SFT2D1: variants seen among roughly 807,000 people sequenced by gnomAD.
The protein encoded by SFT2D1 is SFT2 domain containing 1.
Under a neutral mutation model 28.1 loss-of-function variants are expected in SFT2D1, and 24 were observed. That is an observed-to-expected ratio of 0.85 (90% CI 0.62 to 1.20). The LOEUF (loss-of-function observed/expected upper bound fraction) is 1.20, where lower values mean the gene tolerates loss of function less well. Among genes scored for constraint, SFT2D1 ranks in the 50% most tolerant of loss-of-function variants. The probability of loss-of-function intolerance (pLI) is 0.00; values close to 1 mark genes in which losing one functional copy is unlikely to be tolerated. For missense variants in SFT2D1, 181 were observed against 190.9 expected, an observed-to-expected ratio of 0.95 and a Z score of 0.31; for synonymous variants, 82 against 73.7, an observed-to-expected ratio of 1.11 and a Z score of -0.58.
At chr6:166,330,304 C>A (rs1307663095) in intron 1 of SFT2D1, 57 bp from the exon 2 acceptor site, 1 of 1,183,888 alleles carries the variant, frequency 8.4e-7, no homozygotes, top group South Asian at 1.4e-5. Flanking sequence ...CAATCTGATT[C>A]TTTATACTAA....
At chr6:166,337,193 C>T (rs1470505634) in intron 1 of SFT2D1, among the ~76,000 whole-genome samples, 1 of 152,198 alleles carries the variant, frequency 6.6e-6, no homozygotes, top group Non-Finnish European at 1.5e-5. Flanking sequence ...CCTTCCTAGC[C>T]CAGTGCCTTA....
chr6:166,336,710 C>T (rs1379438549), intron 1 of SFT2D1, among the ~76,000 whole-genome samples: 1 of 152,196 alleles, frequency 6.6e-6, no homozygotes, highest in African/African-American at 2.4e-5. Context: ...GCTGGGACCA[C>T]AGGCACACAC....
intron 1 of SFT2D1, chr6:166,334,750 G>A: frequency 2.8e-6 from 1 of 362,666 alleles, no homozygotes; most frequent in Non-Finnish European, 5.4e-6. Context: ...CAAGCACTCT[G>A]GGGCTTTGGG....
In SFT2D1 at chr6:166,330,291, T is replaced by C. The variant is rs373817495; in HGVS notation, c.64-44A>G. 1.3e-5 allele frequency: 16 copies of C among 1,275,022 alleles called. No homozygotes were observed. The African/African-American group carries it at 2.1e-4, about 17-fold the overall frequency. The allele number at this position is 1,275,022 out of a possible 1,614,324, so 79.0% of individuals were successfully genotyped here. A position where few individuals can be genotyped will look rare whatever the true frequency, so the allele number is the denominator to read the frequency against. ...AATTTAGAATATAGTCTTAATTCACTACCAATCTGATTCTTTATACTAAAT... is the reference window on the plus strand; with the variant it reads ...AATTTAGAATATAGTCTTAATTCACCACCAATCTGATTCTTTATACTAAAT... On this transcript the variant is annotated intron_variant, in intron 1 of 7. Coordinates refer to ENST00000361731, the MANE Select transcript of SFT2D1 (RefSeq NM_145169.3).
At chr6:166,324,842 G>C (rs951053762) in intron 5 of SFT2D1, among the ~76,000 whole-genome samples, 2 of 152,100 alleles carry the variant, frequency 1.3e-5, no homozygotes, top group African/African-American at 4.8e-5. Context: ...AAACGTTACT[G>C]AAACAATTGT....
Position 166,320,143 on chromosome 6 carries a change from T to A in SFT2D1, c.*74A>T, listed in dbSNP as rs1778322759. The A allele has an allele frequency of 6.2e-6, 9 of 1,453,880 alleles. No individual in the cohort carries two copies. Among genetic ancestry groups the A allele is most frequent in the Non-Finnish European group, 8.6e-6 (9 of 1,041,342 alleles). 90.1% of individuals were successfully genotyped at this position (1,453,880 alleles called of 1,614,324 possible). A position where few individuals can be genotyped will look rare whatever the true frequency, so the allele number is the denominator to read the frequency against. On this transcript the variant is annotated 3_prime_UTR_variant, in exon 8 of 8. Transcript: ENST00000361731. Reference sequence around the variant, plus strand: ...TCACGTCAGTTGTTCCTGGAGTGTTTTATGGGGAAAAGCAAACTTCACCAA... The same window carrying A: ...TCACGTCAGTTGTTCCTGGAGTGTTATATGGGGAAAAGCAAACTTCACCAA...
intron 4 of SFT2D1, among the ~76,000 whole-genome samples, chr6:166,327,535 A>G (rs549941310): frequency 1.6e-4 from 24 of 152,294 alleles, no homozygotes; most frequent in African/African-American, 5.5e-4. Flanking sequence ...AAGTTGGCAC[A>G]CAGAGAAGGG....
In SFT2D1 at chr6:166,320,271, A is replaced by AG; in HGVS notation, c.441-16dup. On this transcript the variant is annotated splice_polypyrimidine_tract_variant and intron_variant, in intron 7 of 7. Transcript: ENST00000361731. The stretch of plus-strand genomic sequence containing the variant: ...TAACTGCATCCCTGGTGGAAAAGAG[A>AG]GGGAAAAAAACAGAATATAATATTC... 1 of 1,607,500 alleles carries AG rather than the reference A, an allele frequency of 6.2e-7. No individual in the cohort carries two copies. The highest frequency in any genetic ancestry group is 8.5e-7 in the Non-Finnish European group (1 of 1,176,970).
chr6:166,330,294 C>T (rs1428323605), intron 1 of SFT2D1, 47 bp from the exon 2 acceptor site: 1 of 1,245,366 alleles, frequency 8.0e-7, no homozygotes, highest in African/African-American at 1.5e-5. Flanking sequence ...AATTCACTAC[C>T]AATCTGATTC....
At chr6:166,335,885 A>G (rs1279966794) in intron 1 of SFT2D1, among the ~76,000 whole-genome samples, 4 of 152,248 alleles carry the variant, frequency 2.6e-5, no homozygotes, top group Non-Finnish European at 4.4e-5. Context: ...TACAAAGAAG[A>G]TATGTTTTAG....
rs775172453 is a variant in SFT2D1, at chr6:166,342,486, C to A, written c.-5G>T. ...GACTCGCCGCAGCTTCTCCATGGCC[C>A]TGTTACAGGGCCGTAGCGGCCGCCA... is the stretch of plus-strand genomic sequence containing the variant. On this transcript the variant is annotated 5_prime_UTR_variant, in exon 1 of 8. In the 5' UTR this introduces an upstream ATG that the reference lacks. Transcript: ENST00000361731. 6.4e-7 allele frequency: 1 copy of A among 1,550,502 alleles called. No homozygotes were observed. Among genetic ancestry groups the A allele is most frequent in the Admixed American group, 2.0e-5 (1 of 51,178 alleles).
At chr6:166,340,453 C>G (rs1778754916) in intron 1 of SFT2D1, among the ~76,000 whole-genome samples, 1 of 152,242 alleles carries the variant, frequency 6.6e-6, no homozygotes, top group African/African-American at 2.4e-5. Context: ...TTCACCTTTT[C>G]TTCTACAATT....
At chr6:166,324,464 C>A in intron 6 of SFT2D1, 73 bp downstream of exon 6, 1 of 1,460,640 alleles carries the variant, frequency 6.8e-7, no homozygotes, top group South Asian at 1.2e-5. Flanking sequence ...GCTAGGGCTT[C>A]ACAGGTCCCA....
intron 1 of SFT2D1, among the ~76,000 whole-genome samples, chr6:166,332,863 G>C (rs1203615647): frequency 6.6e-6 from 1 of 152,164 alleles, no homozygotes; most frequent in Non-Finnish European, 1.5e-5. Flanking sequence ...CATAATAGAG[G>C]AAAATGTAGT....
intron 7 of SFT2D1, among the ~76,000 whole-genome samples, chr6:166,321,858 T>C (rs1295213135): frequency 6.6e-6 from 1 of 152,146 alleles, no homozygotes; most frequent in East Asian, 1.9e-4. Flanking sequence ...AAAATAAGCA[T>C]TTATGTGTAA....
At chr6:166,329,239 C>T (rs112587909) in intron 3 of SFT2D1, among the ~76,000 whole-genome samples, 1 of 152,202 alleles carries the variant, frequency 6.6e-6, no homozygotes, top group Non-Finnish European at 1.5e-5. Flanking sequence ...ACCTCACAAG[C>T]TCGTCATAAT....
chr6:166,330,061 T>C (rs1778521404), intron 2 of SFT2D1, 100 bp downstream of exon 2: 1 of 871,722 alleles, frequency 1.1e-6, no homozygotes, highest in African/African-American at 1.7e-5. Flanking sequence ...CAAAATGGTC[T>C]AACAGGGATT....
At chr6:166,340,096 C>T (rs538732051) in intron 1 of SFT2D1, among the ~76,000 whole-genome samples, 13 of 152,250 alleles carry the variant, frequency 8.5e-5, no homozygotes, top group Non-Finnish European at 1.6e-4. Context: ...TCCAATCCGT[C>T]AACAGTGTGG....
At chr6:166,320,378 G>C in intron 7 of SFT2D1, 122 bp from the exon 8 acceptor site, 1 of 711,178 alleles carries the variant, frequency 1.4e-6, no homozygotes, top group Non-Finnish European at 2.3e-6. Flanking sequence ...CACACTTTTT[G>C]ATTAATAAAA....
Sources: allele counts gnomAD v4.1 joint callset (sites outside exome capture counted in the v4.1 genomes callset), GRCh38; gene constraint gnomAD v4.1.1; transcripts MANE v1.5; gene names NCBI Gene and HGNC (gene_info 2026-07-23, HGNC 2026-07-21).